RABGAP1: variants seen among roughly 807,000 people sequenced by gnomAD.
RABGAP1 encodes rab GTPase-activating protein 1.
RABGAP1 carries 23 observed loss-of-function variants against 137.6 expected under a neutral mutation model. The observed-to-expected ratio is 0.17, with a 90% CI of 0.12 to 0.24. RABGAP1 has a LOEUF of 0.24. RABGAP1 is among the 10% of genes least tolerant of loss of function. The pLI, the probability that RABGAP1 is intolerant of heterozygous loss-of-function variation, is 1.00. For missense variants in RABGAP1, 906 were observed against 1,275.8 expected (o/e 0.71, Z 4.42); for synonymous variants, 451 against 450.7 (o/e 1.00, Z -0.01).
chr9:122,963,478 A>T (rs1434411595), intron 2 of RABGAP1, among the ~76,000 whole-genome samples: 1 of 152,150 alleles, frequency 6.6e-6, no homozygotes, highest in Non-Finnish European at 1.5e-5. Context: ...CAGAAGTAAA[A>T]CTGAAAATTC....
the RABGAP1 span, among the ~76,000 whole-genome samples, chr9:122,932,058 A>G: frequency 6.6e-6 from 1 of 152,190 alleles, no homozygotes. Flanking sequence ...CAACCCAGGC[A>G]GCTACATGGA....
intron 13 of RABGAP1, among the ~76,000 whole-genome samples, chr9:123,024,150 A>C (rs923850076): frequency 1.3e-5 from 2 of 152,192 alleles, no homozygotes; most frequent in African/African-American, 4.8e-5. Context: ...CAATGGAGTT[A>C]GTTTCTTCTT....
intron 2 of RABGAP1, among the ~76,000 whole-genome samples, chr9:122,967,989 A>C (rs1252327313): frequency 6.6e-6 from 1 of 151,974 alleles, no homozygotes; most frequent in Non-Finnish European, 1.5e-5. Flanking sequence ...CGGCTTCCCA[A>C]AGTGCTGGCA....
chr9:123,084,947 A>T (rs765910543), intron 19 of RABGAP1, among the ~76,000 whole-genome samples: 1 of 152,192 alleles, frequency 6.6e-6, no homozygotes, highest in Non-Finnish European at 1.5e-5. Context: ...CCGAGCTCTT[A>T]GTGGGCAGGT....
chr9:122,999,323 A>AC (rs35900764), intron 10 of RABGAP1, among the ~76,000 whole-genome samples: 148,520 of 151,992 alleles, frequency 0.98, 72,663 homozygotes, highest in East Asian at 1. Flanking sequence ...AGCTGGGACT[A>AC]AAGTGTATGC....
At chr9:122,974,378 T>G (rs1412430893) in intron 2 of RABGAP1, among the ~76,000 whole-genome samples, 2 of 151,796 alleles carry the variant, frequency 1.3e-5, no homozygotes, top group African/African-American at 4.8e-5. Context: ...TGATTGTATT[T>G]GCTTTTCTTT....
At chr9:123,008,544 CAAAAA>C (rs34127466) in intron 10 of RABGAP1, among the ~76,000 whole-genome samples, 16 of 53,144 alleles carry the variant, frequency 3.0e-4, no homozygotes, top group Middle Eastern at 0.013. Context: ...GACTCCATCT[CAAAAA>C]AAAAAAAAAA....
At chr9:122,966,278 A>G (rs1187775813) in intron 2 of RABGAP1, among the ~76,000 whole-genome samples, 4 of 152,186 alleles carry the variant, frequency 2.6e-5, no homozygotes, top group Non-Finnish European at 4.4e-5. Flanking sequence ...TAATCCCAGC[A>G]CTATGGGAGG....
At chr9:123,101,102 T>C (rs1309199570) in intron 24 of RABGAP1, among the ~76,000 whole-genome samples, 1 of 152,210 alleles carries the variant, frequency 6.6e-6, no homozygotes, top group Non-Finnish European at 1.5e-5. Flanking sequence ...TTTATGTACA[T>C]TTTTGTGTTC....
intron 12 of RABGAP1, among the ~76,000 whole-genome samples, chr9:123,018,763 T>C (rs925133661): frequency 3.9e-5 from 6 of 152,250 alleles, no homozygotes; most frequent in South Asian, 2.1e-4. Flanking sequence ...AGAATTCTTA[T>C]AGGATTCTGT....
chr9:122,994,095 T>G (rs1347552204), intron 6 of RABGAP1, among the ~76,000 whole-genome samples: 1 of 152,242 alleles, frequency 6.6e-6, no homozygotes, highest in Admixed American at 6.5e-5. Flanking sequence ...CCAGGGAAAT[T>G]AAGCCTGTAC....
chr9:123,027,507 G>A (rs2032046483), intron 13 of RABGAP1, among the ~76,000 whole-genome samples: 1 of 152,198 alleles, frequency 6.6e-6, no homozygotes, highest in African/African-American at 2.4e-5. Context: ...CAATTATTAT[G>A]TTATTACTAC....
chr9:123,057,105 C>T (rs1331453127), intron 13 of RABGAP1, among the ~76,000 whole-genome samples: 6 of 147,080 alleles, frequency 4.1e-5, no homozygotes, highest in East Asian at 2.1e-4. Flanking sequence ...GGGCGGGGGG[C>T]TGACCCCCCC....
intron 17 of RABGAP1, among the ~76,000 whole-genome samples, chr9:123,074,981 A>G (rs1364902759): frequency 6.6e-6 from 1 of 152,224 alleles, no homozygotes; most frequent in African/African-American, 2.4e-5. Flanking sequence ...TAAGCTGAGC[A>G]GGAATTTGCT....
chr9:123,027,709 T>C (rs759720906), intron 13 of RABGAP1, among the ~76,000 whole-genome samples: 1 of 152,206 alleles, frequency 6.6e-6, no homozygotes, highest in Non-Finnish European at 1.5e-5. Context: ...TCCTCTTCTC[T>C]GAACTGAGGT....
At chr9:122,941,830 C>G (rs1588142115) in intron 1 of RABGAP1, among the ~76,000 whole-genome samples, 1 of 152,252 alleles carries the variant, frequency 6.6e-6, no homozygotes, top group Admixed American at 6.5e-5. Flanking sequence ...TCTTCTGCAT[C>G]CAGACTGTTT....
chr9:122,980,876 G>C (rs919795994), intron 2 of RABGAP1, among the ~76,000 whole-genome samples: 1 of 152,144 alleles, frequency 6.6e-6, no homozygotes, highest in African/African-American at 2.4e-5. Context: ...GGAGTCAAGG[G>C]ATTTGCATTT....
At chr9:122,995,566 A>ATTTTTTTTTTTTTTTTT (rs34683455) in intron 6 of RABGAP1, among the ~76,000 whole-genome samples, 1 of 118,470 alleles carries the variant, frequency 8.4e-6, no homozygotes, top group Non-Finnish European at 1.7e-5. Context: ...ATATCAAATG[A>ATTTTTTTTTTTTTTTTT]TTTTTTTTTT....
chr9:122,946,880 G>A (rs1049892213), intron 1 of RABGAP1, among the ~76,000 whole-genome samples: 1 of 152,062 alleles, frequency 6.6e-6, no homozygotes, highest in Non-Finnish European at 1.5e-5. Flanking sequence ...GTTACCTCTT[G>A]TACCTTTCAT....
Sources: allele counts gnomAD v4.1 joint callset (sites outside exome capture counted in the v4.1 genomes callset), GRCh38; gene constraint gnomAD v4.1.1; transcripts MANE v1.5; gene names NCBI Gene and HGNC (gene_info 2026-07-23, HGNC 2026-07-21).